Variants in NAMPT observed in about 807,000 individuals in gnomAD.
The protein encoded by NAMPT is nicotinamide phosphoribosyltransferase.
NAMPT carries 7 observed loss-of-function variants against 58.7 expected under a neutral mutation model. The ratio of observed to expected loss-of-function variants is 0.12; its 90% CI spans 0.07 to 0.22. NAMPT has a LOEUF of 0.22. Ranked by LOEUF, NAMPT falls within the 10% of genes least tolerant of loss-of-function variation. The pLI, the probability that NAMPT is intolerant of heterozygous loss-of-function variation, is 1.00. For missense variants in NAMPT, 271 were observed against 567.9 expected (o/e 0.48, Z 5.31); for synonymous variants, 145 against 198.1 (o/e 0.73, Z 2.25).
chr7:106,275,234 C>A, intron 2 of NAMPT, 185 bp from the exon 3 acceptor site: 1 of 401,894 alleles, frequency 2.5e-6, no homozygotes, highest in Non-Finnish European at 4.5e-6. Flanking sequence ...TTTAATAACT[C>A]AAAGTATAAA....
At chr7:106,253,807 G>A (rs532887918) in intron 9 of NAMPT, among the ~76,000 whole-genome samples, 12 of 152,158 alleles carry the variant, frequency 7.9e-5, no homozygotes, top group African/African-American at 2.9e-4. Flanking sequence ...AGTGAAGCAG[G>A]GAATCAACTC....
At chr7:106,282,081 G>T (rs1792776419) in intron 1 of NAMPT, among the ~76,000 whole-genome samples, 2 of 152,114 alleles carry the variant, frequency 1.3e-5, no homozygotes, top group South Asian at 4.2e-4. Context: ...TGGGGTACAA[G>T]CTGCAACAGT....
rs1402539604 is a variant in NAMPT, at chr7:106,253,005, A to G, written c.1365+12T>C. On this transcript the variant is annotated intron_variant, in intron 10 of 10. Coordinates refer to ENST00000222553, the MANE Select transcript of NAMPT (RefSeq NM_005746.3). ...CTATTGCTTAAAAAAACCAATCAGC[A>G]TAGATACATACCTGACCATATTCCT... 9.3e-6 allele frequency: 15 copies of G among 1,612,144 alleles called. No individual in the cohort carries two copies. In the East Asian group the frequency reaches 3.1e-4, roughly 34 times the overall value.
chr7:106,266,709 G>A (rs1428041558), intron 6 of NAMPT, among the ~76,000 whole-genome samples: 1 of 152,130 alleles, frequency 6.6e-6, no homozygotes, highest in African/African-American at 2.4e-5. Flanking sequence ...TGCTGGAATA[G>A]CTTCCTATAA....
chr7:106,251,317 A>G (rs1792100187), intron 10 of NAMPT, 124 bp from the exon 11 acceptor site: 2 of 653,164 alleles, frequency 3.1e-6, no homozygotes, highest in East Asian at 5.4e-5. Context: ...AAATTGTGAG[A>G]TGATTTGATG....
intron 6 of NAMPT, among the ~76,000 whole-genome samples, chr7:106,265,516 A>T (rs1461991253): frequency 6.8e-6 from 1 of 147,804 alleles, no homozygotes; most frequent in African/African-American, 2.5e-5. Flanking sequence ...CATAGTTCTG[A>T]CTTAGGCACT....
chr7:106,266,877 C>G (rs2115773108), intron 6 of NAMPT, among the ~76,000 whole-genome samples: 1 of 152,270 alleles, frequency 6.6e-6, no homozygotes, highest in East Asian at 1.9e-4. Flanking sequence ...TTTAGAATAG[C>G]TAGCATGATG....
chr7:106,280,409 T>C (rs1194776850), intron 1 of NAMPT, among the ~76,000 whole-genome samples: 1 of 152,168 alleles, frequency 6.6e-6, no homozygotes, highest in Non-Finnish European at 1.5e-5. Flanking sequence ...TAACAAAAAG[T>C]TTCATAGTAT....
intron 2 of NAMPT, chr7:106,276,095 G>GA (rs1792632817): frequency 1.3e-5 from 2 of 152,160 alleles, no homozygotes; most frequent in African/African-American, 2.4e-5. Flanking sequence ...AATTACTTCT[G>GA]ATATCTAGCT....
intron 1 of NAMPT, among the ~76,000 whole-genome samples, chr7:106,279,113 ATATT>A (rs757556354): frequency 5.6e-5 from 8 of 142,740 alleles, no homozygotes; most frequent in Admixed American, 5.5e-4. Flanking sequence ...CAATAATTAA[ATATT>A]TATAATTTTA....
At chr7:106,283,901 TCC>T (rs1792812453) in intron 1 of NAMPT, among the ~76,000 whole-genome samples, 2 of 152,192 alleles carry the variant, frequency 1.3e-5, no homozygotes, top group Non-Finnish European at 2.9e-5. Flanking sequence ...ACCACTGTAT[TCC>T]AAACCACTAT....
chr7:106,278,494 G>A (rs530686158), intron 1 of NAMPT, among the ~76,000 whole-genome samples: 21 of 152,270 alleles, frequency 1.4e-4, no homozygotes, highest in Admixed American at 6.5e-4. Context: ...AAAGCTAGAA[G>A]TATATGTCAG....
At chr7:106,282,485 G>A (rs1338451559) in intron 1 of NAMPT, among the ~76,000 whole-genome samples, 1 of 152,182 alleles carries the variant, frequency 6.6e-6, no homozygotes, top group Non-Finnish European at 1.5e-5. Flanking sequence ...GGATAATGCG[G>A]TTTAAACGGT....
intron 6 of NAMPT, among the ~76,000 whole-genome samples, chr7:106,265,875 TAATTA>T (rs1400342297): frequency 1.3e-5 from 2 of 152,220 alleles, no homozygotes; most frequent in Non-Finnish European, 2.9e-5. Flanking sequence ...AAAGCTTCTG[TAATTA>T]AATATTTTTA....
At chr7:106,277,219 A>G in intron 1 of NAMPT, 40 bp from the exon 2 acceptor site, 1 of 1,506,040 alleles carries the variant, frequency 6.6e-7, no homozygotes, top group Middle Eastern at 1.7e-4. Flanking sequence ...AACACCGATG[A>G]GTAGACTATA....
chr7:106,265,211 C>T (rs1262777194), intron 6 of NAMPT, among the ~76,000 whole-genome samples: 1 of 152,088 alleles, frequency 6.6e-6, no homozygotes, highest in Non-Finnish European at 1.5e-5. Flanking sequence ...AATACCAATA[C>T]TGGAGAACTT....
chr7:106,276,959 A>G, intron 2 of NAMPT, 64 bp downstream of exon 2: 1 of 1,287,208 alleles, frequency 7.8e-7, no homozygotes, highest in Non-Finnish European at 1.1e-6. Context: ...AAAAATTCTA[A>G]AAGAACTCCT....
chr7:106,266,977 C>A (rs1792425921), intron 6 of NAMPT, among the ~76,000 whole-genome samples: 1 of 152,204 alleles, frequency 6.6e-6, no homozygotes, highest in Non-Finnish European at 1.5e-5. Context: ...CCTACAAAAT[C>A]TGTGTTTCAG....
intron 8 of NAMPT, among the ~76,000 whole-genome samples, chr7:106,257,144 CA>C (rs919905307): frequency 1.1e-3 from 145 of 136,114 alleles, no homozygotes; most frequent in Middle Eastern, 3.8e-3. Context: ...AACTCCATCT[CA>C]AAAAAAAAAA....
Sources: gnomAD v4.1 joint callset for allele counts (sites outside exome capture counted in the v4.1 genomes callset) on GRCh38, gnomAD v4.1.1 for gene constraint, MANE v1.5 for transcripts, NCBI Gene and HGNC (gene_info 2026-07-23, HGNC 2026-07-21) for gene names.